Variants in MITF observed in about 807,000 individuals in gnomAD.
The protein encoded by MITF is microphthalmia-associated transcription factor.
In MITF, 17 loss-of-function variants were observed where a neutral mutation model predicts 60.5. That is an observed-to-expected ratio of 0.28 (90% CI 0.19 to 0.42). MITF has a LOEUF of 0.42. Ranked by LOEUF, MITF falls within the 10% of genes least tolerant of loss-of-function variation. MITF has a pLI of 1.00. For synonymous variants in MITF, 260 were observed against 248.5 expected (o/e 1.05, Z -0.43); for missense variants, 622 against 683.5 (o/e 0.91, Z 1.00).
chr3:69,859,430 T>A (rs1368830422), intron 1 of MITF, among the ~76,000 whole-genome samples: 1 of 152,192 alleles, frequency 6.6e-6, no homozygotes, highest in African/African-American at 2.4e-5. Context: ...TATCCCTGTC[T>A]TCTTTATCTC....
chr3:69,822,408 G>A (rs1286419638), intron 1 of MITF, among the ~76,000 whole-genome samples: 1 of 152,066 alleles, frequency 6.6e-6, no homozygotes, highest in African/African-American at 2.4e-5. Context: ...TTTCTTTCTT[G>A]GATTTTGTTA....
chr3:69,786,349 T>A (rs2062648791), intron 1 of MITF, among the ~76,000 whole-genome samples: 1 of 152,232 alleles, frequency 6.6e-6, no homozygotes. Flanking sequence ...CTGTCTGCTT[T>A]ACGGGATTGT....
At chr3:69,953,827 A>G (rs996797042) in intron 7 of MITF, among the ~76,000 whole-genome samples, 1 of 151,938 alleles carries the variant, frequency 6.6e-6, no homozygotes, top group African/African-American at 2.4e-5. Flanking sequence ...GTCATCTACC[A>G]TGTATTGCTG....
At chr3:69,879,081 C>A (rs775698755) in intron 1 of MITF, 53 bp from the exon 2 acceptor site, 6 of 1,502,808 alleles carry the variant, frequency 4.0e-6, no homozygotes, top group Non-Finnish European at 5.6e-6. Flanking sequence ...AAAGTGCAAA[C>A]GAAGGGTCTC....
intron 2 of MITF, among the ~76,000 whole-genome samples, chr3:69,913,399 A>AT (rs1333555655): frequency 6.6e-6 from 1 of 152,164 alleles, no homozygotes; most frequent in Admixed American, 6.5e-5. Flanking sequence ...CACGTCATGT[A>AT]TTGCATTTCA....
chr3:69,866,276 C>CTT, intron 1 of MITF: 1 of 1,613,454 alleles, frequency 6.2e-7, no homozygotes, highest in Non-Finnish European at 8.5e-7. Flanking sequence ...TGCAGAACAC[C>CTT]TTAAAGGAAA....
At chr3:69,932,605 AC>A (rs1167615847) in intron 2 of MITF, among the ~76,000 whole-genome samples, 1 of 152,124 alleles carries the variant, frequency 6.6e-6, no homozygotes, top group East Asian at 1.9e-4. Context: ...CAGGATTCAT[AC>A]CCTTGTTGTT....
chr3:69,796,680 G>C (rs1289594649), intron 1 of MITF, among the ~76,000 whole-genome samples: 2 of 150,022 alleles, frequency 1.3e-5, no homozygotes, highest in African/African-American at 5.0e-5. Context: ...CTAATTTTTT[G>C]TATTTTTGGT....
intron 1 of MITF, among the ~76,000 whole-genome samples, chr3:69,789,871 C>A (rs892464543): frequency 1.3e-5 from 2 of 151,978 alleles, no homozygotes; most frequent in African/African-American, 4.8e-5. Context: ...AACAAACAAA[C>A]AAACCTCTCA....
intron 1 of MITF, among the ~76,000 whole-genome samples, chr3:69,741,022 T>C (rs2106737485): frequency 6.6e-6 from 1 of 152,248 alleles, no homozygotes; most frequent in South Asian, 2.1e-4. Context: ...GGGAAGAAAA[T>C]CTGGGAACAG....
intron 2 of MITF, among the ~76,000 whole-genome samples, chr3:69,930,772 C>G (rs552456784): frequency 3.3e-5 from 5 of 152,364 alleles, no homozygotes; most frequent in Non-Finnish European, 5.9e-5. Context: ...ATCTTGGGCT[C>G]TAGCCCAGAC....
intron 1 of MITF, among the ~76,000 whole-genome samples, chr3:69,834,647 A>G (rs1287937277): frequency 1.3e-5 from 2 of 152,126 alleles, no homozygotes; most frequent in East Asian, 3.8e-4. Flanking sequence ...GAGTGCAGAT[A>G]TCTCTTTGGC....
intron 1 of MITF, among the ~76,000 whole-genome samples, chr3:69,849,811 T>C (rs552139540): frequency 2.6e-5 from 4 of 152,320 alleles, no homozygotes; most frequent in Admixed American, 2.0e-4. Flanking sequence ...TACCTCACCA[T>C]TGAAGGTCCA....
chr3:69,742,724 G>A (rs1033318376), intron 1 of MITF, among the ~76,000 whole-genome samples: 1 of 152,202 alleles, frequency 6.6e-6, no homozygotes, highest in African/African-American at 2.4e-5. Context: ...GAAAGTATTA[G>A]CATGGTGCCT....
chr3:69,771,092 G>A (rs931560356), intron 1 of MITF, among the ~76,000 whole-genome samples: 10 of 152,128 alleles, frequency 6.6e-5, no homozygotes, highest in Non-Finnish European at 1.2e-4. Flanking sequence ...TTGATTTTAT[G>A]TAGGTGGACC....
chr3:69,748,897 G>C (rs1204533747), intron 1 of MITF, among the ~76,000 whole-genome samples: 1 of 152,224 alleles, frequency 6.6e-6, no homozygotes, highest in Non-Finnish European at 1.5e-5. Flanking sequence ...TTGAGGCAGA[G>C]AGGTTTCACT....
chr3:69,817,717 T>A (rs1033976182), intron 1 of MITF, among the ~76,000 whole-genome samples: 4 of 152,176 alleles, frequency 2.6e-5, no homozygotes, highest in African/African-American at 9.7e-5. Flanking sequence ...GGTGCATGTA[T>A]GGGTATGTTA....
intron 2 of MITF, chr3:69,936,896 C>A: frequency 2.9e-6 from 2 of 699,134 alleles, no homozygotes; most frequent in South Asian, 2.1e-5. Flanking sequence ...TATTTGATGC[C>A]ATAAGAAGTA....
chr3:69,889,025 G>GTTTTTTTTTTT (rs4057977), intron 2 of MITF, among the ~76,000 whole-genome samples: 4 of 58,808 alleles, frequency 6.8e-5, no homozygotes, highest in East Asian at 6.1e-4. Flanking sequence ...ATAGCCTTTG[G>GTTTTTTTTTTT]TTTTTTTTTT....
Sources: gnomAD v4.1 joint callset for allele counts (sites outside exome capture counted in the v4.1 genomes callset) on GRCh38, gnomAD v4.1.1 for gene constraint, MANE v1.5 for transcripts, NCBI Gene and HGNC (gene_info 2026-07-23, HGNC 2026-07-21) for gene names.